Variants in ERO1A observed in about 807,000 individuals in gnomAD.
ERO1A encodes ERO1-like protein alpha.
A neutral mutation model predicts 76.9 loss-of-function variants in ERO1A; 49 were observed. The observed-to-expected ratio is 0.64, with a 90% confidence interval of 0.51 to 0.81. ERO1A has a LOEUF of 0.81. Ranked by LOEUF, ERO1A falls within the 30% of genes least tolerant of loss-of-function variation. ERO1A has a pLI of 0.00. For synonymous variants in ERO1A, 174 were observed against 181.2 expected, an observed-to-expected ratio of 0.96 and a Z score of 0.32; for missense variants, 448 against 542.1, an observed-to-expected ratio of 0.83 and a Z score of 1.72.
chr14:52,646,668 T>G (rs2039668242), intron 13 of ERO1A: 1 of 449,728 alleles, frequency 2.2e-6, no homozygotes, highest in Non-Finnish European at 3.9e-6. Context: ...AAGGTAGTTA[T>G]TATTATAATC....
chr14:52,656,308 T>C (rs747081513), intron 11 of ERO1A, among the ~76,000 whole-genome samples: 4 of 152,100 alleles, frequency 2.6e-5, no homozygotes, highest in Non-Finnish European at 5.9e-5. Flanking sequence ...TGATGGAAAA[T>C]AATAAAATTT....
chr14:52,677,042 T>C (rs1465573339), intron 4 of ERO1A, among the ~76,000 whole-genome samples: 2 of 152,158 alleles, frequency 1.3e-5, no homozygotes, highest in Non-Finnish European at 2.9e-5. Context: ...AACCCTGGCA[T>C]ATGGTCACTC....
chr14:52,663,648 C>A, intron 8 of ERO1A, 153 bp downstream of exon 8: 1 of 452,628 alleles, frequency 2.2e-6, no homozygotes. Context: ...AATTTAAGCA[C>A]CAATCTCTGC....
At chr14:52,650,381 CTCTATCTTGTGTTTCAGTACCTGT>C (rs1334783157) in intron 13 of ERO1A, among the ~76,000 whole-genome samples, 2 of 150,724 alleles carry the variant, frequency 1.3e-5, no homozygotes, top group African/African-American at 2.4e-5. Flanking sequence ...TAACAATATT[CTCTATCTTGTGTTTCAGTACCTGT>C]TCAGTAAGAG....
chr14:52,644,221 A>T (rs1483233041), intron 15 of ERO1A, among the ~76,000 whole-genome samples: 1 of 152,174 alleles, frequency 6.6e-6, no homozygotes, highest in Non-Finnish European at 1.5e-5. Flanking sequence ...TGGGAGGCCA[A>T]GGCGAGCAGA....
At position 52,695,516 on chromosome 14, in the gene ERO1A, A is replaced by G. The variant is rs1339558233; in HGVS notation, c.-35T>C. ...GGCAGCTTGTCGCCCCACGCTTGGG[A>G]GGCCAGTCCGCACGCTCGGTCGCGG... On this transcript the variant is annotated 5_prime_UTR_variant, in exon 1 of 16. Coordinates refer to ENST00000395686, the MANE Select transcript of ERO1A (RefSeq NM_014584.3). 7.0e-7 allele frequency: 1 copy of G among 1,424,740 alleles called. No homozygotes were observed. 88.3% of individuals were successfully genotyped at this position (1,424,740 alleles called of 1,614,324 possible). A position where few individuals can be genotyped will look rare whatever the true frequency, so the allele number is the denominator to read the frequency against.
intron 2 of ERO1A, among the ~76,000 whole-genome samples, chr14:52,682,701 C>T (rs1330233545): frequency 2.0e-5 from 3 of 152,056 alleles, no homozygotes; most frequent in Non-Finnish European, 4.4e-5. Context: ...GAGTTTGAGA[C>T]CAGCCTGGCC....
At chr14:52,661,610 A>G (rs2032433980) in intron 8 of ERO1A, among the ~76,000 whole-genome samples, 1 of 152,196 alleles carries the variant, frequency 6.6e-6, no homozygotes, top group South Asian at 2.1e-4. Flanking sequence ...AGTACTCTTC[A>G]ATATCTTAAG....
At chr14:52,687,832 GA>G (rs1221197148) in intron 1 of ERO1A, among the ~76,000 whole-genome samples, 2 of 152,158 alleles carry the variant, frequency 1.3e-5, no homozygotes, top group Non-Finnish European at 2.9e-5. Flanking sequence ...GGCCCCAGTT[GA>G]GGAACAGTAA....
intron 7 of ERO1A, among the ~76,000 whole-genome samples, chr14:52,665,996 G>A (rs2139693405): frequency 1.3e-5 from 2 of 152,290 alleles, no homozygotes; most frequent in South Asian, 4.1e-4. Context: ...ACAGACAAGG[G>A]TGTACAGAGC....
At chr14:52,689,160 G>C (rs1282777304) in intron 1 of ERO1A, among the ~76,000 whole-genome samples, 1 of 152,084 alleles carries the variant, frequency 6.6e-6, no homozygotes, top group Non-Finnish European at 1.5e-5. Context: ...CACCATGTTG[G>C]TCAGGCTGGT....
chr14:52,657,379 C>T (rs758925639), intron 11 of ERO1A, among the ~76,000 whole-genome samples: 1 of 152,106 alleles, frequency 6.6e-6, no homozygotes, highest in Non-Finnish European at 1.5e-5. Context: ...TAGAGTGAGA[C>T]CCTGTCTCAA....
intron 2 of ERO1A, among the ~76,000 whole-genome samples, chr14:52,683,266 G>T (rs1209306805): frequency 1.3e-5 from 2 of 151,202 alleles, no homozygotes; most frequent in Non-Finnish European, 2.9e-5. Context: ...GCAACTAGGA[G>T]CCAAAGTAGC....
chr14:52,683,862 C>A lies in ERO1A; in HGVS notation c.160G>T (p.Asp54Tyr). The A allele has an allele frequency of 6.3e-7, 1 of 1,587,258 alleles. No individual in the cohort carries two copies. The highest frequency in any genetic ancestry group is 8.6e-7 in the Non-Finnish European group (1 of 1,160,902). Reference sequence around the variant, plus strand: ...AAAAGCCTGTAGTTATTAAATCTATCAATGGTTTCAACATCACAGGTACAA... The same window carrying A: ...AAAAGCCTGTAGTTATTAAATCTATAAATGGTTTCAACATCACAGGTACAA... ...DDCTCDVETI[D>Y]RFNNYRLFPR... is the part of the protein sequence containing the mutation. Residue 54 changes from aspartate to tyrosine, a missense_variant, in exon 2 of 16, where the codon GAT becomes TAT. By Grantham distance (160) the Asp-to-Tyr change is radical. Around this residue, in one of 2 missense-constraint regions of ERO1A, gnomAD observed 146 missense variants for 130.2 expected, o/e 1.12. Coordinates refer to ENST00000395686, the MANE Select transcript of ERO1A (RefSeq NM_014584.3).
chr14:52,690,017 T>C (rs1423878021), intron 1 of ERO1A, among the ~76,000 whole-genome samples: 1 of 151,954 alleles, frequency 6.6e-6, no homozygotes, highest in Non-Finnish European at 1.5e-5. Context: ...GACCAAACAA[T>C]GGGAAAGCAC....
chr14:52,644,195 T>TG (rs796179714), intron 15 of ERO1A, among the ~76,000 whole-genome samples: 19 of 152,270 alleles, frequency 1.2e-4, no homozygotes, highest in African/African-American at 4.6e-4. Context: ...AGCTCATGTC[T>TG]GTAATCCCAG....
At chr14:52,658,350 G>A in intron 9 of ERO1A, 200 bp from the exon 10 acceptor site, 1 of 525,554 alleles carries the variant, frequency 1.9e-6, no homozygotes, top group Non-Finnish European at 3.4e-6. Context: ...CCTGCTGCTT[G>A]GTCTTTAAAA....
Position 52,671,773 on chromosome 14 carries a change from C to G in ERO1A, c.434+22G>C, listed in dbSNP as rs759361157. ...ATGTAACATAAAGAAACATGAAATA[C>G]TGCTGAAAAATAAAATCAAACCTCA... On this transcript the variant is annotated intron_variant, in intron 5 of 15. Coordinates refer to ENST00000395686, the MANE Select transcript of ERO1A (RefSeq NM_014584.3). The G allele has an allele frequency of 5.0e-6, 8 of 1,594,530 alleles. No individual in the cohort carries two copies. In the South Asian group the frequency reaches 6.9e-5, roughly 14 times the overall value.
intron 6 of ERO1A, among the ~76,000 whole-genome samples, chr14:52,667,998 G>A (rs570126074): frequency 5.0e-4 from 76 of 151,330 alleles, no homozygotes; most frequent in Non-Finnish European, 8.8e-4. Flanking sequence ...CCAATTCACA[G>A]TATATTAGAA....
Sources: allele counts gnomAD v4.1 joint callset (sites outside exome capture counted in the v4.1 genomes callset), GRCh38; gene constraint gnomAD v4.1.1; regional missense constraint gnomAD v4.1.1; transcripts MANE v1.5; gene names NCBI Gene and HGNC (gene_info 2026-07-23, HGNC 2026-07-21).